Variants in GLS2 observed in about 807,000 individuals in gnomAD.
GLS2 encodes the protein glutaminase liver isoform, mitochondrial.
A neutral mutation model predicts 79.0 loss-of-function variants in GLS2; 52 were observed. That is an observed-to-expected ratio of 0.66 (90% CI 0.53 to 0.83). The LOEUF is 0.83. GLS2 is among the 40% of genes least tolerant of loss of function. The pLI is 0.00. For missense variants in GLS2, 561 were observed against 764.8 expected (o/e 0.73, Z 3.14); for synonymous variants, 238 against 280.8 (o/e 0.85, Z 1.52).
At chr12:56,480,890 C>A (rs1480619346) in intron 1 of GLS2, among the ~76,000 whole-genome samples, 1 of 152,204 alleles carries the variant, frequency 6.6e-6, no homozygotes, top group Non-Finnish European at 1.5e-5. Context: ...GTGTAGTAGA[C>A]CAGAGTTTGC....
At chr12:56,482,420 C>T (rs1870369346) in intron 1 of GLS2, among the ~76,000 whole-genome samples, 1 of 152,180 alleles carries the variant, frequency 6.6e-6, no homozygotes, top group Non-Finnish European at 1.5e-5. Context: ...TGGTCCTGCT[C>T]ATTCTTCAAA....
intron 1 of GLS2, among the ~76,000 whole-genome samples, chr12:56,484,944 C>A (rs907512869): frequency 2.0e-5 from 3 of 151,980 alleles, no homozygotes; most frequent in African/African-American, 7.2e-5. Flanking sequence ...TCTCTGGGGG[C>A]AAAATTTCCT....
chr12:56,483,682 G>A (rs1870475165), intron 1 of GLS2, among the ~76,000 whole-genome samples: 2 of 152,092 alleles, frequency 1.3e-5, no homozygotes, highest in Non-Finnish European at 2.9e-5. Flanking sequence ...CTGGGCTCAA[G>A]TGATCCTTCT....
At chr12:56,486,667 CCT>C (rs1870710689) in intron 1 of GLS2, among the ~76,000 whole-genome samples, 1 of 152,146 alleles carries the variant, frequency 6.6e-6, no homozygotes, top group African/African-American at 2.4e-5. Flanking sequence ...ACGGTGAAAC[CCT>C]GTCTCTACTA....
intron 9 of GLS2, 130 bp from the exon 10 acceptor site, chr12:56,475,240 C>T: frequency 6.3e-7 from 1 of 1,587,044 alleles, no homozygotes; most frequent in Admixed American, 1.7e-5. Flanking sequence ...TATAACTTCT[C>T]ACAGTAATAT....
chr12:56,472,234 A>G (rs1869348358), intron 15 of GLS2, 39 bp from the exon 16 acceptor site: 1 of 1,581,092 alleles, frequency 6.3e-7, no homozygotes, highest in African/African-American at 1.3e-5. Context: ...TGCCTAGATC[A>G]GACTGGAATC....
In GLS2 at chr12:56,477,967, G is replaced by A. The variant is rs1364795198; in HGVS notation, c.744C>T (p.Gly248=). Residue 248 remains glycine (G), a synonymous_variant, in exon 6 of 18, where the codon GGC becomes GGT. Transcript: ENST00000311966. ...TGAGGGAGAGCTTGTTGTAGCGCAG[G>A]CCACTTGGCTCTTTGCCCACAAACT... ...VHKFVGKEPS[G]LRYNKLSLNE... is the part of the protein sequence containing the mutation. The A allele has an allele frequency of 6.2e-7, 1 of 1,614,126 alleles. No individual in the cohort carries two copies. Among genetic ancestry groups the A allele is most frequent in the Non-Finnish European group, 8.5e-7 (1 of 1,179,970 alleles).
chr12:56,475,985 G>A lies in GLS2; in HGVS notation c.838-8C>T. ...TGCTTTGTTACAGTCCATCTGCAGA[G>A]AAAGAGAGAGATGTCAGCATTCTAA... On this transcript the variant is annotated splice_polypyrimidine_tract_variant and splice_region_variant and intron_variant, in intron 7 of 17. Transcript: ENST00000311966. The A allele has an allele frequency of 6.2e-7, 1 of 1,612,562 alleles. No homozygotes were observed. The highest frequency in any genetic ancestry group is 1.3e-5 in the African/African-American group (1 of 75,070).
chr12:56,480,149 C>T (rs1870166930), intron 2 of GLS2, 139 bp downstream of exon 2: 5 of 827,364 alleles, frequency 6.0e-6, no homozygotes, highest in Non-Finnish European at 9.5e-6. Flanking sequence ...TCAGCCTAGA[C>T]ATCTGGATTC....
intron 9 of GLS2, 93 bp from the exon 10 acceptor site, chr12:56,475,203 T>G: frequency 6.2e-7 from 1 of 1,604,294 alleles, no homozygotes; most frequent in Non-Finnish European, 8.5e-7. Flanking sequence ...CAGAACTACA[T>G]CACACCACAA....
intron 9 of GLS2, 36 bp downstream of exon 9, chr12:56,475,588 C>T (rs1345610081): frequency 1.2e-6 from 2 of 1,603,340 alleles, no homozygotes; most frequent in Non-Finnish European, 1.7e-6. Context: ...ACATACACCA[C>T]AATGCTTTCA....
intron 1 of GLS2, among the ~76,000 whole-genome samples, chr12:56,484,800 A>G (rs140735498): frequency 1.3e-5 from 2 of 152,346 alleles, no homozygotes; most frequent in African/African-American, 4.8e-5. Flanking sequence ...ATAGTATGAT[A>G]CCAAAAAAGC....
In GLS2 at chr12:56,474,856, A is replaced by T. The variant is rs1202390042; in HGVS notation, c.1037T>A (p.Leu346His). The part of the protein sequence containing the change: ...KGVDMMAALD[L>H]YFQLCSVEVT... Reference sequence around the variant, plus strand: ...GCAGTGTTTTCTTACCTGGAAGTAGAGATCAAGGGCAGCCATCATGTCCAC... The same window carrying T: ...GCAGTGTTTTCTTACCTGGAAGTAGTGATCAAGGGCAGCCATCATGTCCAC... The change falls in exon 11 of 18, where the codon CTC (leucine) becomes CAC (histidine). Residue 346 changes from leucine to histidine, a missense_variant. Leu to His is a moderately conservative substitution (Grantham distance 99). Coordinates refer to ENST00000311966, the MANE Select transcript of GLS2 (RefSeq NM_013267.4). 3.1e-6 allele frequency: 5 copies of T among 1,614,056 alleles called. No homozygotes were observed. The highest frequency in any genetic ancestry group is 3.4e-6 in the Non-Finnish European group (4 of 1,180,034).
chr12:56,484,136 G>C (rs993333321), intron 1 of GLS2, among the ~76,000 whole-genome samples: 4 of 152,262 alleles, frequency 2.6e-5, no homozygotes, highest in African/African-American at 9.6e-5. Context: ...CGGGTGTGGT[G>C]GCGCGCACCT....
chr12:56,479,869 A>T lies in GLS2; in HGVS notation c.315T>A (p.Asp105Glu). 1 of 1,613,120 alleles carries T rather than the reference A, an allele frequency of 6.2e-7. No individual in the cohort carries two copies. The highest frequency in any genetic ancestry group is 1.1e-5 in the South Asian group (1 of 91,024). The change falls in exon 3 of 18, where the codon GAT becomes GAA. Residue 105 changes from aspartate to glutamate, a missense_variant. Coordinates refer to ENST00000311966, the MANE Select transcript of GLS2 (RefSeq NM_013267.4). ...ALKATGLQTSDPRLRDCMSEM... is the reference protein window; with the variant it reads ...ALKATGLQTSEPRLRDCMSEM... ...CGCTCATGCAGTCTCGGAGCCGAGG[A>T]TCTGATGTCTGCAGTCCAGTGGCCT...
chr12:56,485,621 T>G (rs947344616), intron 1 of GLS2, among the ~76,000 whole-genome samples: 2 of 152,180 alleles, frequency 1.3e-5, no homozygotes, highest in African/African-American at 4.8e-5. Context: ...ATGGGATGCA[T>G]AGCAATGTTT....
At position 56,473,750 on chromosome 12, in the gene GLS2, G is replaced by A. The variant is rs1869525032; in HGVS notation, c.1225-156C>T. On this transcript the variant is annotated intron_variant, in intron 12 of 17. Coordinates refer to ENST00000311966, the MANE Select transcript of GLS2 (RefSeq NM_013267.4). ...TTAATTAGCTTCTTTTATTACTCCT[G>A]TCCTTTCCTTCCCTTAAATTCATTG... 3.6e-6 allele frequency: 3 copies of A among 826,992 alleles called. No homozygotes were observed. In the Admixed American group the frequency reaches 1.0e-4, roughly 28 times the overall value. 51.2% of individuals were successfully genotyped at this position (826,992 alleles called of 1,614,324 possible). A position where few individuals can be genotyped will look rare whatever the true frequency, so the allele number is the denominator to read the frequency against.
intron 1 of GLS2, among the ~76,000 whole-genome samples, chr12:56,486,332 A>G (rs1333044814): frequency 6.6e-6 from 1 of 152,156 alleles, no homozygotes; most frequent in East Asian, 1.9e-4. Flanking sequence ...GGATACCTCT[A>G]GTTCCCTACT....
intron 1 of GLS2, among the ~76,000 whole-genome samples, chr12:56,483,083 CTTTT>C (rs756613672): frequency 7.1e-6 from 1 of 141,262 alleles, no homozygotes; most frequent in African/African-American, 2.6e-5. Flanking sequence ...CTTTTTCTTT[CTTTT>C]TTTTTTTTTT....
Sources: gnomAD v4.1 joint callset for allele counts (sites outside exome capture counted in the v4.1 genomes callset) on GRCh38, gnomAD v4.1.1 for gene constraint, MANE v1.5 for transcripts, NCBI Gene and HGNC (gene_info 2026-07-23, HGNC 2026-07-21) for gene names.